Variants in AGMO observed in about 807,000 individuals in gnomAD.
The protein encoded by AGMO is alkylglycerol monooxygenase.
AGMO carries 75 observed loss-of-function variants against 60.2 expected under a neutral mutation model. The ratio of observed to expected loss-of-function variants is 1.25; its 90% CI spans 1.03 to 1.51. AGMO has a LOEUF of 1.51. Ranked by LOEUF, AGMO falls within the 40% of genes most tolerant of loss-of-function variation. The pLI is 0.00. For missense variants in AGMO, 763 were observed against 525.5 expected (o/e 1.45, Z -4.42); for synonymous variants, 261 against 177.1 (o/e 1.47, Z -3.76).
In AGMO at chr7:15,509,125, G is replaced by T. The variant is rs372057673; in HGVS notation, c.409+35647C>A. ...TGTTTCTAATTTTTAGATTTAAAAA[G>T]GGAGACTCTGGAAGACTAAGTAATA... On this transcript the variant is annotated intron_variant, in intron 3 of 12. Coordinates refer to ENST00000342526, the MANE Select transcript of AGMO (RefSeq NM_001004320.2). 2.6e-4 allele frequency among the ~76,000 whole-genome samples: 40 copies of T among 152,210 alleles called. No homozygotes were observed. The South Asian group carries it at 5.2e-3, about 20-fold the overall frequency.
chr7:15,228,297 T>C (rs1265764226), intron 12 of AGMO, among the ~76,000 whole-genome samples: 1 of 152,054 alleles, frequency 6.6e-6, no homozygotes, highest in African/African-American at 2.4e-5. Context: ...TTGAAGGCTT[T>C]CCAAACGATA....
intron 3 of AGMO, among the ~76,000 whole-genome samples, chr7:15,458,358 T>C (rs984298351): frequency 3.3e-5 from 5 of 152,140 alleles, no homozygotes; most frequent in Non-Finnish European, 7.3e-5. Context: ...AAACATTAAT[T>C]CATAATGTGC....
At chr7:15,362,664 G>C (rs998671617) in intron 12 of AGMO, among the ~76,000 whole-genome samples, 4 of 152,156 alleles carry the variant, frequency 2.6e-5, no homozygotes, top group Non-Finnish European at 5.9e-5. Context: ...GCAGTTTCTG[G>C]AAAGAGTAGC....
At chr7:15,501,097 T>C (rs1197174130) in intron 3 of AGMO, among the ~76,000 whole-genome samples, 1 of 152,040 alleles carries the variant, frequency 6.6e-6, no homozygotes, top group Non-Finnish European at 1.5e-5. Flanking sequence ...TTGTTTTATG[T>C]CCAATTGTTT....
chr7:15,454,013 A>C (rs1223230443), intron 3 of AGMO, among the ~76,000 whole-genome samples: 4 of 148,354 alleles, frequency 2.7e-5, no homozygotes, highest in African/African-American at 9.8e-5. Context: ...TATATACATA[A>C]AATATGTTTA....
At chr7:15,169,969 G>A in the AGMO span, among the ~76,000 whole-genome samples, 1 of 152,256 alleles carries the variant, frequency 6.6e-6, no homozygotes, top group Non-Finnish European at 1.5e-5. Flanking sequence ...TTTGGCTTAA[G>A]CCAGTGAACA....
chr7:15,155,377 G>C, the AGMO span, among the ~76,000 whole-genome samples: 1 of 136,708 alleles, frequency 7.3e-6, no homozygotes, highest in African/African-American at 2.8e-5. Context: ...CCTCAGGTTG[G>C]TCTATTCTAT....
At chr7:15,295,287 CTATT>C (rs1292688729) in intron 12 of AGMO, among the ~76,000 whole-genome samples, 11 of 152,024 alleles carry the variant, frequency 7.2e-5, no homozygotes, top group African/African-American at 2.6e-4. Flanking sequence ...AGAAATGTAT[CTATT>C]TATTTCTTCA....
At chr7:15,415,830 C>A (rs2128493574) in intron 5 of AGMO, among the ~76,000 whole-genome samples, 1 of 152,078 alleles carries the variant, frequency 6.6e-6, no homozygotes, top group Non-Finnish European at 1.5e-5. Context: ...GATTTTCTTG[C>A]TATCTTTAGT....
intron 12 of AGMO, among the ~76,000 whole-genome samples, chr7:15,315,316 C>A (rs1305864314): frequency 7.7e-6 from 1 of 130,542 alleles, no homozygotes; most frequent in African/African-American, 3.0e-5. Context: ...GCAAAACTTA[C>A]ATGGATATTT....
At chr7:15,390,642 G>T in intron 8 of AGMO, 29 bp downstream of exon 8, 6 of 1,461,802 alleles carry the variant, frequency 4.1e-6, no homozygotes, top group Non-Finnish European at 5.7e-6. Flanking sequence ...TGATATAAAT[G>T]AAGAAAGAAT....
chr7:15,507,529 T>C (rs1374973423), intron 3 of AGMO, among the ~76,000 whole-genome samples: 1 of 152,036 alleles, frequency 6.6e-6, no homozygotes, highest in Non-Finnish European at 1.5e-5. Flanking sequence ...AGAGACACGA[T>C]GCCTTCAACA....
intron 12 of AGMO, among the ~76,000 whole-genome samples, chr7:15,215,227 T>C (rs939555271): frequency 6.6e-6 from 1 of 152,102 alleles, no homozygotes; most frequent in Non-Finnish European, 1.5e-5. Context: ...AATCCTGAAA[T>C]GAGAAGACTG....
At chr7:15,269,019 A>C (rs530516207) in intron 12 of AGMO, among the ~76,000 whole-genome samples, 1 of 152,224 alleles carries the variant, frequency 6.6e-6, no homozygotes, top group African/African-American at 2.4e-5. Flanking sequence ...AGGATTGAGC[A>C]AATTTCTTCT....
chr7:15,510,672 T>C (rs989933284), intron 3 of AGMO, among the ~76,000 whole-genome samples: 1 of 150,234 alleles, frequency 6.7e-6, no homozygotes, highest in Admixed American at 6.6e-5. Flanking sequence ...TAACACTATT[T>C]GAAATAAGCC....
intron 12 of AGMO, among the ~76,000 whole-genome samples, chr7:15,357,541 T>C (rs1001483415): frequency 1.3e-5 from 2 of 152,224 alleles, no homozygotes; most frequent in African/African-American, 4.8e-5. Context: ...GATTTTCGGC[T>C]GGTCTGATAA....
intron 3 of AGMO, among the ~76,000 whole-genome samples, chr7:15,529,560 TATA>T (rs1784224399): frequency 7.8e-6 from 1 of 127,432 alleles, no homozygotes; most frequent in African/African-American, 3.1e-5. Flanking sequence ...ATATAGAATA[TATA>T]TTCTATATAT....
intron 3 of AGMO, among the ~76,000 whole-genome samples, chr7:15,442,718 C>G: frequency 6.6e-6 from 1 of 152,058 alleles, no homozygotes; most frequent in East Asian, 1.9e-4. Context: ...TGAGGACAGG[C>G]ACTCCTGCCT....
chr7:15,486,916 C>A (rs1319034674), intron 3 of AGMO, among the ~76,000 whole-genome samples: 3 of 152,298 alleles, frequency 2.0e-5, no homozygotes, highest in African/African-American at 7.2e-5. Context: ...CAAAGAACCA[C>A]TAAGGCAATA....
Sources: allele counts gnomAD v4.1 joint callset (sites outside exome capture counted in the v4.1 genomes callset), GRCh38; gene constraint gnomAD v4.1.1; transcripts MANE v1.5; gene names NCBI Gene and HGNC (gene_info 2026-07-23, HGNC 2026-07-21).